The following PSG11 variants were observed in gnomAD, a reference collection of about 807,000 sequenced individuals.
PSG11 encodes pregnancy specific beta-1-glycoprotein 11.
PSG11 carries 42 observed loss-of-function variants against 36.0 expected under a neutral mutation model. The ratio of observed to expected loss-of-function variants is 1.17; its 90% confidence interval spans 0.91 to 1.51. The LOEUF (loss-of-function observed/expected upper bound fraction) is 1.51, where lower values mean the gene tolerates loss of function less well. Among genes scored for constraint, PSG11 ranks in the 40% most tolerant of loss-of-function variants. The pLI is 0.00. For missense variants in PSG11, 558 were observed against 403.5 expected (o/e 1.38, Z -3.28); for synonymous variants, 206 against 153.5 (o/e 1.34, Z -2.53).
rs1974029208 is a variant in PSG11 at position 43,009,859 on chromosome 19, G to C, written c.*40+99C>G. On this transcript the variant is annotated intron_variant, in intron 5 of 5. Coordinates refer to ENST00000320078, the MANE Select transcript of PSG11 (RefSeq NM_002785.3). ...GAAGCAGGAGTTAGTGGATGAAGGA[G>C]GAGATCCAGGCCCAGATACAGGCAA... The C allele has an allele frequency of 5.4e-6, 5 of 919,128 alleles. 1 individual carries two copies. The highest frequency in any genetic ancestry group is 2.0e-5 in the Admixed American group (1 of 50,490). 56.9% of individuals were successfully genotyped at this position (919,128 alleles called of 1,614,324 possible).
chr19:43,018,735 G>T (rs369917521), intron 3 of PSG11, 35 bp downstream of exon 3: 5 of 1,612,016 alleles, frequency 3.1e-6, no homozygotes, highest in Non-Finnish European at 4.2e-6. Flanking sequence ...ATTTGGGATG[G>T]CAGCCTGGCT....
At chr19:43,023,929 T>C (rs1174604888) in intron 2 of PSG11, among the ~76,000 whole-genome samples, 14 of 151,580 alleles carry the variant, frequency 9.2e-5, no homozygotes, top group Admixed American at 3.3e-4. Flanking sequence ...TTTGCTTCCA[T>C]GAGAAAGCAC....
intron 4 of PSG11, among the ~76,000 whole-genome samples, chr19:43,012,025 C>A (rs1193176591): frequency 6.6e-6 from 1 of 150,962 alleles, no homozygotes; most frequent in African/African-American, 2.4e-5. Flanking sequence ...AATAGACAAA[C>A]TCCTAGAAAC....
rs551313308 is a variant in PSG11, at chr19:43,010,229, A to G, written c.965-188T>C. On this transcript the variant is annotated intron_variant, in intron 4 of 5. Transcript: ENST00000320078. ...TTTTTTCCCTCTCACCATGTTTCTC[A>G]GTTGGTGATCAGTCCTCTGTCAATT... is the stretch of plus-strand genomic sequence containing the variant. The G allele has an allele frequency of 2.8e-5, 41 of 1,453,256 alleles. 1 individual carries two copies. Among genetic ancestry groups the G allele is most frequent in the African/African-American group, 1.9e-4 (13 of 69,396 alleles). The allele number at this position is 1,453,256 out of a possible 1,614,324, so 90.0% of individuals were successfully genotyped here. A position where few individuals can be genotyped will look rare whatever the true frequency, so the allele number is the denominator to read the frequency against.
chr19:43,025,152 G>A, intron 1 of PSG11, 96 bp from the exon 2 acceptor site: 2 of 1,452,468 alleles, frequency 1.4e-6, no homozygotes, highest in East Asian at 2.3e-5. Flanking sequence ...TCAATCCTCA[G>A]CCTTGAAGAC....
rs181762016 is a variant in PSG11, at chr19:43,012,106, T to C, written c.965-2065A>G. On this transcript the variant is annotated intron_variant, in intron 4 of 5. Coordinates refer to ENST00000320078, the MANE Select transcript of PSG11 (RefSeq NM_002785.3). ...CATAAAAGCATTTGATGAAATTCAA[T>C]ATTTTTTCATAAGAAAAACATTCTA... Among the ~76,000 whole-genome samples the C allele has an allele frequency of 2.2e-3, 330 of 151,342 alleles. 9 individuals are homozygous for C. Among genetic ancestry groups the C allele is most frequent in the African/African-American group, 7.6e-3 (312 of 41,060 alleles).
intron 2 of PSG11, among the ~76,000 whole-genome samples, chr19:43,024,308 G>A (rs1405354911): frequency 6.6e-6 from 1 of 151,296 alleles, no homozygotes; most frequent in Non-Finnish European, 1.5e-5. Flanking sequence ...CTGGGTTTGA[G>A]GCTTCTAGGG....
At position 43,010,017 on chromosome 19, in the gene PSG11, G is replaced by A. The variant is rs761287218; in HGVS notation, c.989C>T (p.Ala330Val). Reference sequence around the variant, plus strand: ...CGGCTGCTACGTTGGATTATTGAAAGCAAAAGTTCCTAATCCTGGAGGAGC... The same window carrying A: ...CGGCTGCTACGTTGGATTATTGAAAACAAAAGTTCCTAATCCTGGAGGAGC... ...VIAPPGLGTF[A>V]FNNPT Residue 330 changes from alanine (A) to valine (V), a missense_variant, in exon 5 of 6, where the codon GCT becomes GTT. By Grantham distance (64) the Ala-to-Val change is moderately conservative. Coordinates refer to ENST00000320078, the MANE Select transcript of PSG11 (RefSeq NM_002785.3). The A allele has an allele frequency of 1.2e-6, 2 of 1,609,828 alleles. No individual in the cohort carries two copies. Among genetic ancestry groups the A allele is most frequent in the Non-Finnish European group, 1.7e-6 (2 of 1,177,254 alleles).
In PSG11 at chr19:43,015,141, G is replaced by A. The variant is rs1265438655; in HGVS notation, c.939C>T (p.Ser313=). ...CAATGACTCTGATTGTCAAGGATGT[G>A]GAGCTTTCCTCGCCAGTGGCTGAGT... The part of the protein sequence containing the change: ...ARNSATGEES[S]TSLTIRVIAP... The change falls in exon 4 of 6, where the codon TCC becomes TCT. Residue 313 remains serine, a synonymous_variant. Coordinates refer to ENST00000320078, the MANE Select transcript of PSG11 (RefSeq NM_002785.3). The A allele has an allele frequency of 2.0e-5, 32 of 1,611,878 alleles. No homozygotes were observed. The highest frequency in any genetic ancestry group is 2.7e-5 in the Non-Finnish European group (32 of 1,178,978).
At chr19:43,023,899 C>A (rs1184400517) in intron 2 of PSG11, among the ~76,000 whole-genome samples, 2 of 151,478 alleles carry the variant, frequency 1.3e-5, no homozygotes, top group Non-Finnish European at 2.9e-5. Context: ...GGTGTTCACA[C>A]AAGCAGCATT....
intron 2 of PSG11, among the ~76,000 whole-genome samples, chr19:43,020,671 G>C (rs1967081558): frequency 6.6e-6 from 1 of 151,370 alleles, no homozygotes; most frequent in African/African-American, 2.4e-5. Flanking sequence ...AGATGCCAAA[G>C]GTGATTTGAA....
intron 3 of PSG11, among the ~76,000 whole-genome samples, chr19:43,018,165 T>C (rs148598886): frequency 0.027 from 4,055 of 150,998 alleles, 294 homozygotes; most frequent in African/African-American, 0.094. Context: ...AGTGGCTGAG[T>C]TATGGATGAA....
chr19:43,021,069 C>T (rs571326011), intron 2 of PSG11, among the ~76,000 whole-genome samples: 1 of 151,490 alleles, frequency 6.6e-6, no homozygotes, highest in Non-Finnish European at 1.5e-5. Flanking sequence ...AGATAGCACC[C>T]ACCTGGCCAC....
Position 43,015,145 on chromosome 19 carries a change from C to A in PSG11, c.935G>T (p.Ser312Ile). 1.2e-6 allele frequency: 2 copies of A among 1,612,000 alleles called. No homozygotes were observed. Among genetic ancestry groups the A allele is most frequent in the Non-Finnish European group, 1.7e-6 (2 of 1,178,964 alleles). ...SARNSATGEESSTSLTIRVIA... is the reference protein window; with the variant it reads ...SARNSATGEEISTSLTIRVIA... The stretch of plus-strand genomic sequence containing the variant: ...GACTCTGATTGTCAAGGATGTGGAG[C>A]TTTCCTCGCCAGTGGCTGAGTTACG... Residue 312 changes from serine (S) to isoleucine (I), a missense_variant, in exon 4 of 6, where the codon AGC (serine) becomes ATC (isoleucine). By Grantham distance (142) the Ser-to-Ile change is moderately radical. Transcript: ENST00000320078.
At chr19:43,024,237 C>G (rs1444855449) in intron 2 of PSG11, among the ~76,000 whole-genome samples, 1 of 151,416 alleles carries the variant, frequency 6.6e-6, no homozygotes, top group Non-Finnish European at 1.5e-5. Context: ...CAAGAAGCCA[C>G]AACCCAGCCC....
At chr19:43,018,710 C>T (rs773197189) in intron 3 of PSG11, 60 bp downstream of exon 3, 5 of 1,611,486 alleles carry the variant, frequency 3.1e-6, no homozygotes, top group South Asian at 1.1e-5. Flanking sequence ...AGAGGCCTGG[C>T]CTCTGGCCAT....
chr19:43,025,182 CACAT>C, intron 1 of PSG11, 126 bp from the exon 2 acceptor site: 39 of 1,356,102 alleles, frequency 2.9e-5, no homozygotes, highest in Non-Finnish European at 3.6e-5. Context: ...CACACACACA[CACAT>C]ACAAACATAC....
chr19:43,020,849 G>A (rs769191340), intron 2 of PSG11, among the ~76,000 whole-genome samples: 2 of 151,286 alleles, frequency 1.3e-5, no homozygotes, highest in Admixed American at 6.6e-5. Context: ...TAGGAAAAAT[G>A]GGGAGGACCC....
intron 3 of PSG11, chr19:43,015,934 C>T (rs1488662091): frequency 1.2e-6 from 2 of 1,610,070 alleles, no homozygotes; most frequent in Non-Finnish European, 1.7e-6. Context: ...ACAATTTAGC[C>T]ACCAAATGTA....
Sources: allele counts gnomAD v4.1 joint callset (sites outside exome capture counted in the v4.1 genomes callset), GRCh38; gene constraint gnomAD v4.1.1; transcripts MANE v1.5; gene names NCBI Gene and HGNC (gene_info 2026-07-23, HGNC 2026-07-21).